Variants in RYR3 observed in about 807,000 individuals in gnomAD.
RYR3 encodes the protein brain ryanodine receptor-calcium release channel.
In RYR3, 207 loss-of-function variants were observed where a neutral mutation model predicts 584.3. The ratio of observed to expected loss-of-function variants is 0.35; its 90% CI spans 0.32 to 0.40. The LOEUF is 0.40. Among genes scored for constraint, RYR3 ranks in the 10% least tolerant of loss-of-function variants. The pLI is 1.00. For synonymous variants in RYR3, 2,416 were observed against 2,248.5 expected (o/e 1.07, Z -2.11); for missense variants, 5,616 against 6,089.2 (o/e 0.92, Z 2.59).
intron 38 of RYR3, among the ~76,000 whole-genome samples, chr15:33,674,445 CTTTCCACG>C (rs757162301): frequency 6.6e-6 from 1 of 152,134 alleles, no homozygotes; most frequent in Non-Finnish European, 1.5e-5. Flanking sequence ...GTATGTATGA[CTTTCCACG>C]TTATGTGAGG....
intron 27 of RYR3, among the ~76,000 whole-genome samples, chr15:33,643,440 T>G (rs2061939765): frequency 6.6e-6 from 1 of 152,200 alleles, no homozygotes; most frequent in Admixed American, 6.5e-5. Context: ...TTTTGAGTGG[T>G]AGTTTTTTAA....
chr15:33,598,580 C>A (rs2467562), intron 16 of RYR3, among the ~76,000 whole-genome samples: 66,903 of 150,920 alleles, frequency 0.44, 15,325 homozygotes, highest in East Asian at 0.79. Context: ...CAGTTTCTTA[C>A]CTAGTGATGG....
intron 102 of RYR3, among the ~76,000 whole-genome samples, chr15:33,862,784 T>C (rs1286987693): frequency 6.6e-6 from 1 of 152,122 alleles, no homozygotes; most frequent in Non-Finnish European, 1.5e-5. Context: ...CTAATTTTTG[T>C]ATTTTTAGTA....
chr15:33,662,438 C>T lies in RYR3; in HGVS notation c.4908C>T (p.Thr1636=). ...KNEYIIPITS[T]TRNIRLFPDE... is the part of the protein sequence containing the mutation. The stretch of plus-strand genomic sequence containing the variant: ...AGTACATCATCCCCATTACCAGCAC[C>T]ACCAGGAATATCCGCCTCTTCCCGG... Residue 1636 remains threonine (T), a synonymous_variant, in exon 35 of 104, where the codon ACC becomes ACT. Coordinates refer to ENST00000634891, the MANE Select transcript of RYR3 (RefSeq NM_001036.6). The T allele has an allele frequency of 6.2e-7, 1 of 1,614,016 alleles. No individual in the cohort carries two copies. The highest frequency in any genetic ancestry group is 8.5e-7 in the Non-Finnish European group (1 of 1,179,880).
chr15:33,522,923 AT>A (rs1408937924), intron 3 of RYR3, among the ~76,000 whole-genome samples: 1 of 152,208 alleles, frequency 6.6e-6, no homozygotes, highest in Non-Finnish European at 1.5e-5. Context: ...GAAGAAAAAA[AT>A]ATCCGTGTTA....
intron 55 of RYR3, among the ~76,000 whole-genome samples, chr15:33,749,680 G>T (rs1013827041): frequency 6.6e-6 from 1 of 152,184 alleles, no homozygotes; most frequent in African/African-American, 2.4e-5. Flanking sequence ...GAAAAATGAT[G>T]TGCTGCCAGC....
intron 1 of RYR3, among the ~76,000 whole-genome samples, chr15:33,353,036 A>G (rs1480847880): frequency 7.9e-4 from 120 of 152,172 alleles, no homozygotes; most frequent in Non-Finnish European, 1.0e-4. Context: ...CTTCTCTGAC[A>G]TTTATTAGAT....
intron 2 of RYR3, among the ~76,000 whole-genome samples, chr15:33,502,757 A>G (rs1596391042): frequency 6.6e-6 from 1 of 152,202 alleles, no homozygotes; most frequent in South Asian, 2.1e-4. Flanking sequence ...TTGGAGACAG[A>G]CTGTCTGGAT....
chr15:33,446,269 A>C (rs1216225758), intron 1 of RYR3, among the ~76,000 whole-genome samples: 2 of 152,236 alleles, frequency 1.3e-5, no homozygotes, highest in African/African-American at 4.8e-5. Context: ...TTGAAGACTT[A>C]GGACAACTGA....
At position 33,311,857 on chromosome 15, in the gene RYR3, G is replaced by A. The variant is rs2140438824; in HGVS notation, c.51+761G>A. Among the ~76,000 whole-genome samples the A allele has an allele frequency of 6.6e-6, 1 of 152,328 alleles. No individual in the cohort carries two copies. The highest frequency in any genetic ancestry group is 2.4e-5 in the African/African-American group (1 of 41,578). ...GGCGCTGCTCCGTCCCAGATTTGGG[G>A]GTGAGGGGGCGAAGTCTGTTGCAGC... is the stretch of plus-strand genomic sequence containing the variant. On this transcript the variant is annotated intron_variant, in intron 1 of 103. Coordinates refer to ENST00000634891, the MANE Select transcript of RYR3 (RefSeq NM_001036.6). The surrounding 1 kb of genome is among the most constrained non-coding windows in gnomAD (Gnocchi z 4.4).
intron 43 of RYR3, among the ~76,000 whole-genome samples, chr15:33,711,644 C>A (rs74867702): frequency 6.6e-6 from 1 of 152,180 alleles, no homozygotes; most frequent in Non-Finnish European, 1.5e-5. Context: ...CCCTAAGGCA[C>A]GAACAGAATG....
intron 1 of RYR3, among the ~76,000 whole-genome samples, chr15:33,388,678 A>G (rs1423584048): frequency 6.6e-6 from 1 of 152,226 alleles, no homozygotes; most frequent in Non-Finnish European, 1.5e-5. Context: ...TTATGGAGTC[A>G]TCATTATATA....
chr15:33,657,902 GC>G, intron 32 of RYR3, among the ~76,000 whole-genome samples: 1 of 152,184 alleles, frequency 6.6e-6, no homozygotes, highest in Non-Finnish European at 1.5e-5. Context: ...ACTAAATCAT[GC>G]AATCTTCTAA....
chr15:33,526,394 T>C (rs986971582), intron 3 of RYR3, among the ~76,000 whole-genome samples: 3 of 152,176 alleles, frequency 2.0e-5, no homozygotes, highest in Non-Finnish European at 2.9e-5. Context: ...CCAGTGGTAA[T>C]AGCCAAGGTC....
chr15:33,616,169 A>G (rs1390372166), intron 19 of RYR3, among the ~76,000 whole-genome samples: 8 of 152,216 alleles, frequency 5.3e-5, no homozygotes, highest in African/African-American at 7.2e-5. Flanking sequence ...AAGTCATCTG[A>G]AAAAACTACT....
chr15:33,570,938 ATTAG>A (rs1290194728), intron 12 of RYR3, among the ~76,000 whole-genome samples: 3 of 152,186 alleles, frequency 2.0e-5, no homozygotes, highest in African/African-American at 7.2e-5. Context: ...GAAATTATTT[ATTAG>A]TTCAGTGGGC....
chr15:33,632,631 T>A (rs1190445656), intron 23 of RYR3, among the ~76,000 whole-genome samples: 2 of 152,250 alleles, frequency 1.3e-5, no homozygotes, highest in African/African-American at 4.8e-5. Flanking sequence ...TCTGGTAATG[T>A]TGCAGCATGC....
intron 60 of RYR3, among the ~76,000 whole-genome samples, chr15:33,761,168 C>A (rs2072397673): frequency 6.6e-6 from 1 of 152,032 alleles, no homozygotes; most frequent in Non-Finnish European, 1.5e-5. Context: ...AAAATTGACA[C>A]CCTAACATCA....
chr15:33,612,851 G>A (rs1487159521), intron 18 of RYR3, among the ~76,000 whole-genome samples: 1 of 152,170 alleles, frequency 6.6e-6, no homozygotes, highest in East Asian at 1.9e-4. Context: ...CAGTCTGTCT[G>A]TTACTTCAGA....
Sources: gnomAD v4.1 joint callset for allele counts (sites outside exome capture counted in the v4.1 genomes callset) on GRCh38, gnomAD v4.1.1 for gene constraint, Gnocchi (gnomAD v3.1) non-coding constraint, MANE v1.5 for transcripts, NCBI Gene and HGNC (gene_info 2026-07-23, HGNC 2026-07-21) for gene names.